KIAA0825: variants seen among roughly 807,000 people sequenced by gnomAD.
KIAA0825 encodes the protein uncharacterized protein KIAA0825.
In KIAA0825, 119 loss-of-function variants were observed where a neutral mutation model predicts 147.6. That is an observed-to-expected ratio of 0.81 (90% CI 0.69 to 0.94). The LOEUF (loss-of-function observed/expected upper bound fraction) is 0.94. KIAA0825 is among the 40% of genes least tolerant of loss of function. KIAA0825 has a pLI of 0.00. For synonymous variants in KIAA0825, 470 were observed against 518.1 expected, an observed-to-expected ratio of 0.91 and a Z score of 1.26; for missense variants, 1,381 against 1,472.7, an observed-to-expected ratio of 0.94 and a Z score of 1.02.
At chr5:94,501,060 CACT>C (rs1765023086) in intron 5 of KIAA0825, among the ~76,000 whole-genome samples, 2 of 152,124 alleles carry the variant, frequency 1.3e-5, no homozygotes, top group African/African-American at 2.4e-5. Context: ...CCGCCTCTTT[CACT>C]ACTATTATTT....
intron 10 of KIAA0825, among the ~76,000 whole-genome samples, chr5:94,466,877 G>C (rs1051583965): frequency 6.6e-6 from 1 of 151,798 alleles, no homozygotes. Context: ...TTAACGCTTG[G>C]TTCTCTCATA....
At chr5:94,382,751 A>C (rs1007675454) in intron 20 of KIAA0825, among the ~76,000 whole-genome samples, 19 of 152,192 alleles carry the variant, frequency 1.2e-4, no homozygotes, top group African/African-American at 4.6e-4. Context: ...TAGTGATCCA[A>C]AGTCCTTAAA....
intron 5 of KIAA0825, among the ~76,000 whole-genome samples, chr5:94,502,862 A>T (rs1467289262): frequency 6.6e-6 from 1 of 151,948 alleles, no homozygotes; most frequent in African/African-American, 2.4e-5. Flanking sequence ...CAATCCCAGC[A>T]TTTTGGGAGG....
rs529413653 is a variant in KIAA0825, at chr5:94,188,624, G to A, written c.3711-34500C>T. Among the ~76,000 whole-genome samples the A allele has an allele frequency of 2.9e-4, 44 of 152,116 alleles. No individual in the cohort carries two copies. In the East Asian group the frequency reaches 4.1e-3, roughly 14 times the overall value. ...TTCATATTTTGTTATTTTTATTGCTGAGTAATATTTGATAGTAGAGATATA... is the reference window on the plus strand; with the variant it reads ...TTCATATTTTGTTATTTTTATTGCTAAGTAATATTTGATAGTAGAGATATA... On this transcript the variant is annotated intron_variant, in intron 20 of 20. Coordinates refer to ENST00000682413, the MANE Select transcript of KIAA0825 (RefSeq NM_001145678.3).
At position 94,152,874 on chromosome 5, in the gene KIAA0825, ATATATATATATATATATATATATATATAT is replaced by A. The variant is rs1562284164; in HGVS notation, c.*1104_*1132del. 3.5e-5 allele frequency: 2 copies of A among 56,910 alleles called. No homozygotes were observed. The highest frequency in any genetic ancestry group is 7.1e-5 in the African/African-American group (1 of 14,092). The allele number at this position is 56,910 out of a possible 1,614,324, so 3.5% of individuals were successfully genotyped here. A position where few individuals can be genotyped will look rare whatever the true frequency, so the allele number is the denominator to read the frequency against. Reference sequence around the variant, plus strand: ...AAAAAAATTATATATATATATATATATATATATATATATATATATATATATATATGGTTTCTCCCAGACGTTCTTAGACT... The same window carrying A: ...AAAAAAATTATATATATATATATATAGGTTTCTCCCAGACGTTCTTAGACT... On this transcript the variant is annotated 3_prime_UTR_variant, in exon 21 of 21. Transcript: ENST00000682413.
At chr5:94,609,394 T>C (rs956367607) in intron 1 of KIAA0825, among the ~76,000 whole-genome samples, 5 of 152,166 alleles carry the variant, frequency 3.3e-5, no homozygotes, top group African/African-American at 4.8e-5. Flanking sequence ...TAACATGTAG[T>C]GGTTTGTTTA....
intron 20 of KIAA0825, among the ~76,000 whole-genome samples, chr5:94,305,820 C>G (rs1007440942): frequency 7.2e-5 from 11 of 151,796 alleles, no homozygotes; most frequent in African/African-American, 2.4e-4. Context: ...TATGCAAGTT[C>G]CAAATAGAAG....
rs1386855627 is a variant in KIAA0825, at chr5:94,311,689, C to A, written c.3710+72679G>T. On this transcript the variant is annotated intron_variant, in intron 20 of 20. Transcript: ENST00000682413. ...TTTCTATTTGTCTCTAATCTCAACA[C>A]AATAAAACTATTCACACGAAAAGAA... Among the ~76,000 whole-genome samples, 4 of 151,596 alleles carry A rather than the reference C, an allele frequency of 2.6e-5. No homozygotes were observed. In the East Asian group the frequency reaches 7.8e-4, roughly 29 times the overall value.
chr5:94,432,342 T>C (rs1166259752), intron 14 of KIAA0825, among the ~76,000 whole-genome samples: 1 of 152,200 alleles, frequency 6.6e-6, no homozygotes, highest in Non-Finnish European at 1.5e-5. Flanking sequence ...CCAGGTAATA[T>C]GTTTGCACTT....
chr5:94,483,705 C>T (rs1762736898), intron 6 of KIAA0825, among the ~76,000 whole-genome samples: 1 of 151,336 alleles, frequency 6.6e-6, no homozygotes, highest in African/African-American at 2.4e-5. Context: ...ACAGTGTTAC[C>T]TAAATTTCAC....
chr5:94,527,657 G>A (rs1002108330), intron 3 of KIAA0825, among the ~76,000 whole-genome samples: 3 of 151,912 alleles, frequency 2.0e-5, no homozygotes, highest in African/African-American at 7.2e-5. Flanking sequence ...CACAAAATAA[G>A]TTCAACTTAA....
intron 20 of KIAA0825, among the ~76,000 whole-genome samples, chr5:94,333,434 T>G (rs1237643365): frequency 1.3e-5 from 2 of 152,090 alleles, no homozygotes; most frequent in African/African-American, 4.8e-5. Flanking sequence ...CAGTATCGGT[T>G]TTTTTGCATA....
chr5:94,482,884 T>A (rs1209749660), intron 6 of KIAA0825, among the ~76,000 whole-genome samples: 1 of 152,044 alleles, frequency 6.6e-6, no homozygotes, highest in Non-Finnish European at 1.5e-5. Context: ...TCCACAAATG[T>A]GTTCATATAG....
chr5:94,506,729 T>C (rs1383784517), intron 5 of KIAA0825, among the ~76,000 whole-genome samples: 2 of 152,234 alleles, frequency 1.3e-5, no homozygotes, highest in East Asian at 3.8e-4. Flanking sequence ...ATTTCATTTT[T>C]ACTGAATCAT....
chr5:94,536,459 T>A (rs1324607690), intron 3 of KIAA0825, among the ~76,000 whole-genome samples: 2 of 152,208 alleles, frequency 1.3e-5, no homozygotes, highest in African/African-American at 4.8e-5. Context: ...GAGTCCTTTC[T>A]ACCAAAGAAC....
intron 14 of KIAA0825, among the ~76,000 whole-genome samples, chr5:94,433,433 T>G (rs1276347764): frequency 2.0e-5 from 3 of 152,212 alleles, no homozygotes; most frequent in Non-Finnish European, 1.5e-5. Context: ...TGTCATGAGG[T>G]TAAAAAGTAC....
At chr5:94,329,786 A>G (rs958632281) in intron 20 of KIAA0825, among the ~76,000 whole-genome samples, 1 of 152,076 alleles carries the variant, frequency 6.6e-6, no homozygotes, top group Non-Finnish European at 1.5e-5. Context: ...GTTGAATCAG[A>G]AACTCTATAG....
chr5:94,434,414 C>G (rs541522584), intron 14 of KIAA0825, among the ~76,000 whole-genome samples: 5 of 152,266 alleles, frequency 3.3e-5, no homozygotes, highest in Admixed American at 6.5e-5. Flanking sequence ...TACAAGAGAG[C>G]CATTTCCTAC....
intron 20 of KIAA0825, among the ~76,000 whole-genome samples, chr5:94,324,769 T>C (rs974502471): frequency 3.3e-5 from 5 of 151,810 alleles, no homozygotes; most frequent in African/African-American, 1.2e-4. Context: ...TTAAGCACCA[T>C]ATTATAGTCT....
Sources: allele counts gnomAD v4.1 joint callset (sites outside exome capture counted in the v4.1 genomes callset), GRCh38; gene constraint gnomAD v4.1.1; transcripts MANE v1.5; gene names NCBI Gene and HGNC (gene_info 2026-07-23, HGNC 2026-07-21).